The following SNX29 variants were observed in gnomAD, a reference collection of about 807,000 sequenced individuals.
The protein encoded by SNX29 is sorting nexin-29.
A neutral mutation model predicts 102.1 loss-of-function variants in SNX29; 78 were observed. The ratio of observed to expected loss-of-function variants is 0.76; its 90% confidence interval spans 0.64 to 0.92. The LOEUF is 0.92. Ranked by LOEUF, SNX29 falls within the 40% of genes least tolerant of loss-of-function variation. SNX29 has a pLI of 0.00. For synonymous variants in SNX29, 580 were observed against 414.5 expected, an observed-to-expected ratio of 1.40 and a Z score of -4.85; for missense variants, 1,280 against 1,061.7, an observed-to-expected ratio of 1.21 and a Z score of -2.86.
intron 13 of SNX29, among the ~76,000 whole-genome samples, chr16:12,185,755 A>T (rs921041572): frequency 6.6e-6 from 1 of 152,198 alleles, no homozygotes; most frequent in Non-Finnish European, 1.5e-5. Flanking sequence ...GATTCGGGAC[A>T]TCTCACCCTC....
chr16:11,990,238 G>A (rs1351083842), intron 1 of SNX29, among the ~76,000 whole-genome samples: 3 of 152,156 alleles, frequency 2.0e-5, no homozygotes, highest in Admixed American at 6.5e-5. Context: ...GTATAATTAG[G>A]TGCCAACTAA....
intron 13 of SNX29, among the ~76,000 whole-genome samples, chr16:12,184,322 G>T (rs965025766): frequency 6.6e-6 from 1 of 152,168 alleles, no homozygotes; most frequent in African/African-American, 2.4e-5. Flanking sequence ...GCTTCAGCTG[G>T]ATGTCATCAG....
Position 12,051,881 on chromosome 16 carries a change from G to C in SNX29, c.783G>C (p.Lys261Asn), listed in dbSNP as rs1270387537. The change falls in exon 8 of 21, where the codon AAG (lysine) becomes AAC (asparagine). Residue 261 changes from lysine to asparagine, a missense_variant. Coordinates refer to ENST00000566228, the MANE Select transcript of SNX29 (RefSeq NM_032167.5). ...GCAAAAAGGAGCGGAAGAAGAAAAA[G>C]AAAGTGACCAACATAATCTCATTTG... ...AKCKKERKKK[K>N]KVTNIISFDD... 6.2e-7 allele frequency: 1 copy of C among 1,610,534 alleles called. No homozygotes were observed. Among genetic ancestry groups the C allele is most frequent in the Non-Finnish European group, 8.5e-7 (1 of 1,179,298 alleles).
At chr16:12,483,132 T>TTTTTTTG (rs2088044988) in intron 19 of SNX29, among the ~76,000 whole-genome samples, 1 of 134,132 alleles carries the variant, frequency 7.5e-6, no homozygotes, top group Non-Finnish European at 1.6e-5. Flanking sequence ...TTTTTTTTTT[T>TTTTTTTG]TTTTTTTTTT....
At chr16:12,173,106 G>T (rs1330232686) in intron 13 of SNX29, among the ~76,000 whole-genome samples, 2 of 152,218 alleles carry the variant, frequency 1.3e-5, no homozygotes, top group Non-Finnish European at 2.9e-5. Context: ...GCTCTGCAAG[G>T]AAGTCAATTG....
intron 16 of SNX29, among the ~76,000 whole-genome samples, chr16:12,394,778 G>A (rs2083659514): frequency 6.6e-6 from 1 of 152,180 alleles, no homozygotes; most frequent in South Asian, 2.1e-4. Context: ...GATTTGGCTT[G>A]GGCTCCTGAT....
chr16:12,396,415 C>A (rs17819735), intron 16 of SNX29, among the ~76,000 whole-genome samples: 1 of 152,048 alleles, frequency 6.6e-6, no homozygotes, highest in Admixed American at 6.6e-5. Flanking sequence ...CATCTAAAGG[C>A]GGTGGCGATT....
intron 14 of SNX29, among the ~76,000 whole-genome samples, chr16:12,247,796 G>A (rs1230727699): frequency 1.3e-5 from 2 of 152,170 alleles, no homozygotes; most frequent in Non-Finnish European, 2.9e-5. Context: ...AGTACTGTTG[G>A]AGAGTCTTCC....
chr16:12,307,764 TG>T (rs2080386018), intron 15 of SNX29, among the ~76,000 whole-genome samples: 1 of 152,240 alleles, frequency 6.6e-6, no homozygotes, highest in Non-Finnish European at 1.5e-5. Flanking sequence ...CGGCCTTGGC[TG>T]GTAGGCACCA....
chr16:12,048,671 G>T, intron 7 of SNX29, 51 bp downstream of exon 7: 8 of 1,613,734 alleles, frequency 5.0e-6, no homozygotes, highest in Non-Finnish European at 6.8e-6. Context: ...AGAATGTGGC[G>T]GATGGGGTGG....
intron 19 of SNX29, among the ~76,000 whole-genome samples, chr16:12,480,268 C>G (rs945095983): frequency 6.6e-6 from 1 of 152,158 alleles, no homozygotes; most frequent in Admixed American, 6.5e-5. Flanking sequence ...TCACCCAGGC[C>G]TCTTCCTTCT....
At chr16:12,566,553 G>A (rs984333903) in intron 20 of SNX29, among the ~76,000 whole-genome samples, 7 of 152,208 alleles carry the variant, frequency 4.6e-5, no homozygotes, top group African/African-American at 9.6e-5. Flanking sequence ...GGGGTTGTGA[G>A]GGCATGGCTT....
rs2079192535 is a variant in SNX29, at chr16:12,571,768, C to G, written c.*3139C>G. 1.6e-5 allele frequency: 16 copies of G among 1,009,486 alleles called. No homozygotes were observed. Among genetic ancestry groups the G allele is most frequent in the Non-Finnish European group, 1.9e-5 (16 of 829,526 alleles). 62.5% of individuals were successfully genotyped at this position (1,009,486 alleles called of 1,614,324 possible). A position where few individuals can be genotyped will look rare whatever the true frequency, so the allele number is the denominator to read the frequency against. ...CCAACCATCCACTCCTGATCTGAGACAGAACCTTCTCCGCCACTCTTCCTG... is the reference window on the plus strand; with the variant it reads ...CCAACCATCCACTCCTGATCTGAGAGAGAACCTTCTCCGCCACTCTTCCTG... On this transcript the variant is annotated 3_prime_UTR_variant, in exon 21 of 21. Transcript: ENST00000566228.
chr16:12,373,650 T>C (rs184823185), intron 16 of SNX29: 59 of 152,366 alleles, frequency 3.9e-4, no homozygotes, highest in African/African-American at 1.4e-3. Flanking sequence ...GTCCATTTTA[T>C]GTATGGCTGT....
chr16:12,503,733 GCTTTC>G (rs1208590768), intron 19 of SNX29, among the ~76,000 whole-genome samples: 3 of 152,006 alleles, frequency 2.0e-5, no homozygotes, highest in Non-Finnish European at 4.4e-5. Flanking sequence ...TGTCAGAGAG[GCTTTC>G]TTCAAGGCAG....
chr16:12,290,606 A>G (rs2079761149), intron 15 of SNX29, among the ~76,000 whole-genome samples: 2 of 152,216 alleles, frequency 1.3e-5, no homozygotes, highest in Admixed American at 1.3e-4. Context: ...GCAGAATAAA[A>G]AAACTTGGCT....
In SNX29 at chr16:12,403,507, C is replaced by T; in HGVS notation, c.2015C>T (p.Ala672Val). Reference protein sequence around the residue: ...IPSVFLRGKAANAFHVYQVYI... With the variant: ...IPSVFLRGKAVNAFHVYQVYI... ...TCAGTGTTTCTCCGGGGCAAAGCAG[C>T]AAATGCATTCCACGTGTATCAGGTG... The change falls in exon 18 of 21, where the codon GCA becomes GTA. Residue 672 changes from alanine to valine, a missense_variant. Coordinates refer to ENST00000566228, the MANE Select transcript of SNX29 (RefSeq NM_032167.5). 6.2e-6 allele frequency: 10 copies of T among 1,607,732 alleles called. No individual in the cohort carries two copies. The highest frequency in any genetic ancestry group is 8.5e-6 in the Non-Finnish European group (10 of 1,177,088).
intron 18 of SNX29, among the ~76,000 whole-genome samples, chr16:12,429,355 T>G (rs1270272580): frequency 3.3e-5 from 5 of 152,260 alleles, no homozygotes; most frequent in Admixed American, 6.5e-5. Flanking sequence ...TATCTCCTTC[T>G]AGCTTTTCTT....
chr16:12,539,029 G>C (rs11075091), intron 20 of SNX29, among the ~76,000 whole-genome samples: 33,977 of 152,118 alleles, frequency 0.22, 4,042 homozygotes, highest in South Asian at 0.34. Flanking sequence ...CATGAATCCA[G>C]AATGGGGCCC....
Sources: allele counts gnomAD v4.1 joint callset (sites outside exome capture counted in the v4.1 genomes callset), GRCh38; gene constraint gnomAD v4.1.1; transcripts MANE v1.5; gene names NCBI Gene and HGNC (gene_info 2026-07-23, HGNC 2026-07-21).